Variants in SAMMSON observed in about 807,000 individuals in gnomAD.
The protein encoded by SAMMSON is survival associated mitochondrial melanoma specific oncogenic non-coding RNA.
At chr3:70,425,811 C>T (rs1193163815) in intron 2 of SAMMSON, among the ~76,000 whole-genome samples, 3 of 152,060 alleles carry the variant, frequency 2.0e-5, no homozygotes, top group African/African-American at 7.2e-5. Flanking sequence ...CCTGTAAGGA[C>T]TCAGGAAGAG....
At chr3:70,340,159 G>A (rs902127620) in intron 7 of SAMMSON, among the ~76,000 whole-genome samples, 8 of 149,148 alleles carry the variant, frequency 5.4e-5, no homozygotes, top group Non-Finnish European at 7.4e-5. Flanking sequence ...ACCAAACACT[G>A]CATATTCTCA....
At chr3:70,185,640 C>A (rs1212038525) in intron 4 of SAMMSON, among the ~76,000 whole-genome samples, 1 of 152,178 alleles carries the variant, frequency 6.6e-6, no homozygotes, top group East Asian at 1.9e-4. Context: ...CCAAGATTGG[C>A]AGATGCAGAA....
At chr3:70,237,195 A>G (rs1397335381) in intron 4 of SAMMSON, among the ~76,000 whole-genome samples, 1 of 152,098 alleles carries the variant, frequency 6.6e-6, no homozygotes, top group Non-Finnish European at 1.5e-5. Flanking sequence ...GGGAAGCTAT[A>G]TTTTTCCCTT....
At chr3:70,314,042 G>T (rs1038821147) in intron 7 of SAMMSON, among the ~76,000 whole-genome samples, 3 of 152,036 alleles carry the variant, frequency 2.0e-5, no homozygotes, top group African/African-American at 7.2e-5. Flanking sequence ...TACCTTGAAG[G>T]CTTCTTCATC....
chr3:70,336,841 T>TGTGTGC (rs1282747539), intron 7 of SAMMSON, among the ~76,000 whole-genome samples: 1 of 149,612 alleles, frequency 6.7e-6, no homozygotes, highest in East Asian at 2.0e-4. Flanking sequence ...TGTGTGTGTG[T>TGTGTGC]GTGTGTGTGT....
At chr3:70,099,737 C>T (rs147660153) in intron 4 of SAMMSON, among the ~76,000 whole-genome samples, 11 of 152,258 alleles carry the variant, frequency 7.2e-5, no homozygotes, top group Middle Eastern at 3.4e-3. Flanking sequence ...TTGGCAAATA[C>T]GTCTCATTCT....
At chr3:70,131,296 C>T (rs2067481488) in intron 4 of SAMMSON, among the ~76,000 whole-genome samples, 1 of 152,120 alleles carries the variant, frequency 6.6e-6, no homozygotes, top group African/African-American at 2.4e-5. Flanking sequence ...TTGCAAGTTT[C>T]CTCTACAGTC....
intron 4 of SAMMSON, among the ~76,000 whole-genome samples, chr3:70,112,139 A>G (rs1205569632): frequency 6.6e-6 from 1 of 152,168 alleles, no homozygotes; most frequent in Non-Finnish European, 1.5e-5. Context: ...TAGAAATACC[A>G]CAAATAAACT....
chr3:70,303,763 C>T (rs142494666), intron 7 of SAMMSON, among the ~76,000 whole-genome samples: 3,435 of 152,158 alleles, frequency 0.023, 83 homozygotes, highest in South Asian at 0.079. Flanking sequence ...CTCACTGCAA[C>T]CTCCGCCTCC....
rs987443378 is a variant in SAMMSON, at chr3:70,098,573, T to C, written n.507+27008T>C. Among the ~76,000 whole-genome samples the C allele has an allele frequency of 5.3e-5, 8 of 152,116 alleles. No individual in the cohort carries two copies. In the East Asian group the frequency reaches 1.5e-3, roughly 29 times the overall value. On this transcript the variant is annotated intron_variant and non_coding_transcript_variant, in intron 4 of 9. Coordinates refer to ENST00000642114, the Ensembl canonical transcript of SAMMSON. ...TAGTAGAAACGGGGTTTCACCATCT[T>C]GGCCAGGTTGGTCTTAAACTCCTGA...
intron 7 of SAMMSON, among the ~76,000 whole-genome samples, chr3:70,346,171 C>T (rs1417943306): frequency 6.6e-6 from 1 of 152,048 alleles, no homozygotes; most frequent in Non-Finnish European, 1.5e-5. Context: ...GGATTTTAGC[C>T]ATTATGATAG....
chr3:70,395,330 TC>T (rs1404482993), intron 2 of SAMMSON, among the ~76,000 whole-genome samples: 16 of 111,922 alleles, frequency 1.4e-4, no homozygotes, highest in African/African-American at 4.4e-4. Flanking sequence ...TCTCTCTCTC[TC>T]TTTTTTTTTT....
At chr3:70,305,655 A>G (rs546273708) in intron 7 of SAMMSON, among the ~76,000 whole-genome samples, 2 of 152,330 alleles carry the variant, frequency 1.3e-5, no homozygotes, top group South Asian at 4.1e-4. Context: ...ATGGTTGCTG[A>G]GTTGAACAAA....
At chr3:70,225,690 T>C (rs1444750149) in intron 4 of SAMMSON, among the ~76,000 whole-genome samples, 1 of 152,232 alleles carries the variant, frequency 6.6e-6, no homozygotes, top group African/African-American at 2.4e-5. Context: ...GTTTAGTGTT[T>C]CTTGAACACC....
At chr3:70,021,970 A>T (rs2107580891) in intron 3 of SAMMSON, among the ~76,000 whole-genome samples, 1 of 152,236 alleles carries the variant, frequency 6.6e-6, no homozygotes, top group South Asian at 2.1e-4. Context: ...GGGAAGAAAG[A>T]CTTTGAGGTC....
At chr3:70,004,266 C>T (rs2066917439) in intron 1 of SAMMSON, among the ~76,000 whole-genome samples, 1 of 152,052 alleles carries the variant, frequency 6.6e-6, no homozygotes, top group African/African-American at 2.4e-5. Context: ...TTGTTAACAA[C>T]ACCAAGACGT....
intron 4 of SAMMSON, among the ~76,000 whole-genome samples, chr3:70,207,647 A>G (rs1290713366): frequency 6.6e-6 from 1 of 152,102 alleles, no homozygotes; most frequent in African/African-American, 2.4e-5. Context: ...CCAAATAACA[A>G]TGTAACAATA....
intron 3 of SAMMSON, among the ~76,000 whole-genome samples, chr3:70,056,966 A>G (rs2067170032): frequency 6.6e-6 from 1 of 152,130 alleles, no homozygotes; most frequent in Non-Finnish European, 1.5e-5. Flanking sequence ...CTATGAAAAT[A>G]GCTGCAACCA....
chr3:70,293,545 A>G (rs1702260245), intron 7 of SAMMSON, among the ~76,000 whole-genome samples: 1 of 152,076 alleles, frequency 6.6e-6, no homozygotes, highest in Admixed American at 6.6e-5. Context: ...CTTAAGTTTT[A>G]GTTAGAGGTT....
Sources: gnomAD v4.1 joint callset for allele counts (sites outside exome capture counted in the v4.1 genomes callset) on GRCh38, gnomAD v4.1.1 for gene constraint, MANE v1.5 for transcripts, NCBI Gene and HGNC (gene_info 2026-07-23, HGNC 2026-07-21) for gene names.